The following EIF4H variants were observed in gnomAD, a reference collection of about 807,000 sequenced individuals.
The protein encoded by EIF4H is eukaryotic translation initiation factor 4H.
In EIF4H, 8 loss-of-function variants were observed where a neutral mutation model predicts 30.6. The ratio of observed to expected loss-of-function variants is 0.26; its 90% CI spans 0.15 to 0.47. The LOEUF is 0.47. EIF4H is among the 20% of genes least tolerant of loss of function. The pLI is 0.99. For missense variants in EIF4H, 188 were observed against 339.5 expected, an observed-to-expected ratio of 0.55 and a Z score of 3.51; for synonymous variants, 106 against 122.7, an observed-to-expected ratio of 0.86 and a Z score of 0.90.
intron 1 of EIF4H, among the ~76,000 whole-genome samples, chr7:74,185,881 A>G (rs1249504118): frequency 6.6e-6 from 1 of 152,174 alleles, no homozygotes; most frequent in Non-Finnish European, 1.5e-5. Context: ...GTATTCTTGG[A>G]GCAAACAGGA....
At chr7:74,177,528 GC>G (rs143304331) in intron 1 of EIF4H, among the ~76,000 whole-genome samples, 2,417 of 152,096 alleles carry the variant, frequency 0.016, 50 homozygotes, top group African/African-American at 0.052. Context: ...CAGGTCCCTG[GC>G]AACCACCATT....
Position 74,174,435 on chromosome 7 carries a change from G to C in EIF4H, c.52G>C (p.Gly18Arg). Residue 18 changes from glycine (G) to arginine (R), a missense_variant, in exon 1 of 7, where the codon GGC becomes CGC. Gly to Arg is a moderately radical substitution (Grantham distance 125, BLOSUM62 -2). Transcript: ENST00000265753. ...TCGGGCCTACAGCAGCTTCGGCGGCGGCAGAGGGTGAGGCGGGCGTGCGCG... is the reference window on the plus strand; with the variant it reads ...TCGGGCCTACAGCAGCTTCGGCGGCCGCAGAGGGTGAGGCGGGCGTGCGCG... ...DDRAYSSFGG[G>R]RGSRGSAGGH... 1 of 1,444,694 alleles carries C rather than the reference G, an allele frequency of 6.9e-7. No homozygotes were observed. Among genetic ancestry groups the C allele is most frequent in the Non-Finnish European group, 9.2e-7 (1 of 1,084,292 alleles). The allele number at this position is 1,444,694 out of a possible 1,614,324, so 89.5% of individuals were successfully genotyped here. A position where few individuals can be genotyped will look rare whatever the true frequency, so the allele number is the denominator to read the frequency against.
intron 5 of EIF4H, among the ~76,000 whole-genome samples, chr7:74,192,958 G>A (rs528581848): frequency 2.5e-4 from 38 of 152,244 alleles, no homozygotes; most frequent in Non-Finnish European, 4.3e-4. Context: ...GATTACAGGC[G>A]TGAGCCACCA....
At chr7:74,186,328 C>T (rs918388766) in intron 1 of EIF4H, among the ~76,000 whole-genome samples, 3 of 151,854 alleles carry the variant, frequency 2.0e-5, no homozygotes. Context: ...ATTCTCCTGC[C>T]TCAGCCTGCC....
chr7:74,188,061 G>T (rs1273020968), intron 2 of EIF4H, among the ~76,000 whole-genome samples: 1 of 152,206 alleles, frequency 6.6e-6, no homozygotes, highest in African/African-American at 2.4e-5. Context: ...CTCTACAGCA[G>T]TCCTGTCTGC....
chr7:74,189,660 T>C lies in EIF4H; in HGVS notation c.248-13T>C. 1 of 1,612,774 alleles carries C rather than the reference T, an allele frequency of 6.2e-7. No individual in the cohort carries two copies. The highest frequency in any genetic ancestry group is 8.5e-7 in the Non-Finnish European group (1 of 1,179,824). ...ATTACTTGAGGAAATCGGGGTCTTC[T>C]TTTCTTTTCCAGGATTCTGCTATGT... is the stretch of plus-strand genomic sequence containing the variant. On this transcript the variant is annotated splice_polypyrimidine_tract_variant and intron_variant, in intron 2 of 6. Transcript: ENST00000265753.
At chr7:74,194,501 C>T (rs781968014) in intron 5 of EIF4H, among the ~76,000 whole-genome samples, 2 of 152,170 alleles carry the variant, frequency 1.3e-5, no homozygotes, top group African/African-American at 2.4e-5. Flanking sequence ...GTAAACAGCT[C>T]GTTTGTTTGC....
chr7:74,186,669 T>C (rs1304412008), intron 1 of EIF4H, among the ~76,000 whole-genome samples: 2 of 152,004 alleles, frequency 1.3e-5, no homozygotes, highest in Non-Finnish European at 2.9e-5. Context: ...GCCATACGCA[T>C]GTATTTGAGG....
At chr7:74,190,188 A>C in intron 4 of EIF4H, 59 bp from the exon 5 acceptor site, 1 of 1,543,746 alleles carries the variant, frequency 6.5e-7, no homozygotes. Context: ...GAATTTTTCC[A>C]TGTTTGCGCA....
At chr7:74,189,411 G>A (rs1203947138) in intron 2 of EIF4H, among the ~76,000 whole-genome samples, 2 of 152,172 alleles carry the variant, frequency 1.3e-5, no homozygotes, top group Non-Finnish European at 1.5e-5. Flanking sequence ...GAATATTATG[G>A]TTAAAACATT....
rs781892481 is a variant in EIF4H at position 74,190,338 on chromosome 7, T to A, written c.469+32T>A. 14 of 1,606,428 alleles carry A rather than the reference T, an allele frequency of 8.7e-6. 1 individual carries two copies. In the East Asian group the frequency reaches 3.1e-4, roughly 36 times the overall value. On this transcript the variant is annotated intron_variant, in intron 5 of 6. Coordinates refer to ENST00000265753, the MANE Select transcript of EIF4H (RefSeq NM_022170.2). ...GTATTTAAAGTATCACCACTTAATTTTTCCTAGGAGCCTTGCTGCTGTTCT... is the reference window on the plus strand; with the variant it reads ...GTATTTAAAGTATCACCACTTAATTATTCCTAGGAGCCTTGCTGCTGTTCT...
chr7:74,193,277 A>G (rs1313842431), intron 5 of EIF4H, among the ~76,000 whole-genome samples: 1 of 152,150 alleles, frequency 6.6e-6, no homozygotes, highest in African/African-American at 2.4e-5. Context: ...ACAGCTAATA[A>G]CTGAAACAGG....
At chr7:74,179,646 A>AAAAAC (rs72155748) in intron 1 of EIF4H, among the ~76,000 whole-genome samples, 5 of 150,176 alleles carry the variant, frequency 3.3e-5, no homozygotes, top group Non-Finnish European at 3.0e-5. Flanking sequence ...AAAAAAAAAA[A>AAAAAC]AAGTCACTTT....
At chr7:74,194,630 G>A in intron 5 of EIF4H, 111 bp from the exon 6 acceptor site, 1 of 1,414,178 alleles carries the variant, frequency 7.1e-7, no homozygotes, top group Non-Finnish European at 9.4e-7. Context: ...TCAGATAGTG[G>A]ACAAACTAAA....
At position 74,195,288 on chromosome 7, in the gene EIF4H, G is replaced by A. The variant is rs1554710546; in HGVS notation, c.727G>A (p.Val243Ile). The change falls in exon 7 of 7, where the codon GTT becomes ATT. Residue 243 changes from valine (V) to isoleucine (I), a missense_variant. Around this residue, in one of 4 missense-constraint regions of EIF4H, gnomAD observed 17 missense variants for 66.4 expected, o/e 0.26. Coordinates refer to ENST00000265753, the MANE Select transcript of EIF4H (RefSeq NM_022170.2). ...GGGTGCCAGGCCTAGAGAGGAAGTC[G>A]TTCAAAAGGAGCAAGAATGAGCCTG... ...FGGARPREEV[V>I]QKEQE 1.1e-5 allele frequency: 17 copies of A among 1,613,704 alleles called. No homozygotes were observed. Among genetic ancestry groups the A allele is most frequent in the Non-Finnish European group, 1.4e-5 (16 of 1,179,838 alleles).
intron 1 of EIF4H, among the ~76,000 whole-genome samples, chr7:74,178,400 C>T (rs1331154304): frequency 6.6e-6 from 1 of 151,874 alleles, no homozygotes; most frequent in African/African-American, 2.4e-5. Flanking sequence ...AAATACAAAA[C>T]GGGTGTGGCG....
In EIF4H at chr7:74,195,628, G is replaced by T. The variant is rs1312041115; in HGVS notation, c.*320G>T. The T allele has an allele frequency of 4.2e-6, 1 of 237,378 alleles. No individual in the cohort carries two copies. The highest frequency in any genetic ancestry group is 8.2e-6 in the Non-Finnish European group (1 of 121,412). The allele number at this position is 237,378 out of a possible 1,614,324, so 14.7% of individuals were successfully genotyped here. ...CCTCGGAGGAGCAGAGGTGGCCGCC[G>T]TGGGGGGGCGTTTGGGCTGCGGTGC... On this transcript the variant is annotated 3_prime_UTR_variant, in exon 7 of 7. Transcript: ENST00000265753.
chr7:74,194,479 C>T (rs1487732488), intron 5 of EIF4H, among the ~76,000 whole-genome samples: 1 of 152,186 alleles, frequency 6.6e-6, no homozygotes, highest in African/African-American at 2.4e-5. Flanking sequence ...ACTTTTCATG[C>T]AAGCTGAGCA....
intron 5 of EIF4H, among the ~76,000 whole-genome samples, chr7:74,190,850 C>T (rs1172715964): frequency 6.6e-6 from 1 of 152,218 alleles, no homozygotes; most frequent in Admixed American, 6.5e-5. Context: ...GGCCTCTGCC[C>T]TGCAGGGTGA....
Sources: gnomAD v4.1 joint callset for allele counts (sites outside exome capture counted in the v4.1 genomes callset) on GRCh38, gnomAD v4.1.1 for gene constraint, gnomAD v4.1.1 regional missense constraint, MANE v1.5 for transcripts, NCBI Gene and HGNC (gene_info 2026-07-23, HGNC 2026-07-21) for gene names.